The following FGF10 variants were observed in gnomAD, a reference collection of about 807,000 sequenced individuals.
FGF10 encodes FGF-10.
Under a neutral mutation model 19.8 loss-of-function variants are expected in FGF10, and 2 were observed. The ratio of observed to expected loss-of-function variants is 0.10; its 90% CI spans 0.04 to 0.32. FGF10 has a LOEUF of 0.32. Ranked by LOEUF, FGF10 falls within the 10% of genes least tolerant of loss-of-function variation. The pLI is 1.00. For missense variants in FGF10, 191 were observed against 246.3 expected, an observed-to-expected ratio of 0.78 and a Z score of 1.50; for synonymous variants, 112 against 94.0, an observed-to-expected ratio of 1.19 and a Z score of -1.10.
At chr5:44,365,120 A>G (rs1198833917) in intron 1 of FGF10, among the ~76,000 whole-genome samples, 1 of 151,808 alleles carries the variant, frequency 6.6e-6, no homozygotes, top group Non-Finnish European at 1.5e-5. Context: ...AAAGAGTGTG[A>G]TTTGTGGAGA....
chr5:44,319,428 G>T (rs1022662240), intron 1 of FGF10, among the ~76,000 whole-genome samples: 4 of 152,058 alleles, frequency 2.6e-5, no homozygotes, highest in South Asian at 4.1e-4. Flanking sequence ...AATAAAATGG[G>T]TCAGTAGAGC....
At chr5:44,366,428 C>A (rs1415976293) in intron 1 of FGF10, among the ~76,000 whole-genome samples, 1 of 151,824 alleles carries the variant, frequency 6.6e-6, no homozygotes, top group African/African-American at 2.4e-5. Context: ...TTCTTAGTTT[C>A]ATGTTTAATT....
intron 1 of FGF10, among the ~76,000 whole-genome samples, chr5:44,336,394 T>A (rs1441306860): frequency 6.6e-6 from 1 of 152,192 alleles, no homozygotes; most frequent in Non-Finnish European, 1.5e-5. Flanking sequence ...TTCATAATAT[T>A]CAGAGATAAT....
rs941930539 is a variant in FGF10, at chr5:44,303,260, T to TAA, written c.*1733_*1734dup. Among the ~76,000 whole-genome samples the TAA allele has an allele frequency of 6.6e-6, 1 of 152,096 alleles. No homozygotes were observed. The highest frequency in any genetic ancestry group is 2.4e-5 in the African/African-American group (1 of 41,432). Reference sequence around the variant, plus strand: ...TTCTTAATAAAGCAATTTTTAAAAATAACAGATTAACTGGAAGTGCTGGTT... The same window carrying TAA: ...TTCTTAATAAAGCAATTTTTAAAAATAAAACAGATTAACTGGAAGTGCTGGTT... On this transcript the variant is annotated 3_prime_UTR_variant, in exon 3 of 3. Coordinates refer to ENST00000264664, the MANE Select transcript of FGF10 (RefSeq NM_004465.2).
chr5:44,345,284 T>C (rs1741063005), intron 1 of FGF10, among the ~76,000 whole-genome samples: 3 of 151,448 alleles, frequency 2.0e-5, no homozygotes, highest in Admixed American at 6.6e-5. Flanking sequence ...GAAGATACCT[T>C]GAGGAAAAAA....
chr5:44,361,008 TG>T (rs1227255854), intron 1 of FGF10, among the ~76,000 whole-genome samples: 1 of 151,738 alleles, frequency 6.6e-6, no homozygotes, highest in East Asian at 1.9e-4. Flanking sequence ...ATGTCATCCT[TG>T]TTATCTCATT....
intron 1 of FGF10, among the ~76,000 whole-genome samples, chr5:44,370,349 T>C (rs544798241): frequency 6.6e-6 from 1 of 152,250 alleles, no homozygotes; most frequent in Admixed American, 6.5e-5. Flanking sequence ...AATGAACATA[T>C]GCATTTATTT....
intron 1 of FGF10, among the ~76,000 whole-genome samples, chr5:44,326,074 A>T (rs2111742993): frequency 6.6e-6 from 1 of 152,312 alleles, no homozygotes; most frequent in East Asian, 1.9e-4. Context: ...ACCAAAACAG[A>T]AATAAATAAA....
intron 1 of FGF10, among the ~76,000 whole-genome samples, chr5:44,318,462 CCACATCCCACTTTTGTCT>C (rs1275416747): frequency 6.6e-6 from 1 of 152,110 alleles, no homozygotes; most frequent in Non-Finnish European, 1.5e-5. Context: ...AGCATCATGG[CCACATCCCACTTTTGTCT>C]CTATTCTTAT....
chr5:44,301,288 T>A lies in FGF10; in HGVS notation c.*3707A>T, dbSNP rs6881989. Among the ~76,000 whole-genome samples the A allele has an allele frequency of 0.22, 32,956 of 152,034 alleles. 3,715 individuals are homozygous for A. The highest frequency in any genetic ancestry group is 0.32 in the Admixed American group (4,825 of 15,244). ...TATATAACTTTATTTAGACAAAGTT[T>A]GGACCAGCTGAACCCTTCAGTAATA... On this transcript the variant is annotated 3_prime_UTR_variant, in exon 3 of 3. Coordinates refer to ENST00000264664, the MANE Select transcript of FGF10 (RefSeq NM_004465.2).
intron 1 of FGF10, among the ~76,000 whole-genome samples, chr5:44,371,079 C>T (rs149212992): frequency 1.3e-5 from 2 of 151,972 alleles, no homozygotes; most frequent in African/African-American, 4.8e-5. Flanking sequence ...GAAATTTAAT[C>T]CCCAGTATGG....
At chr5:44,322,268 G>A (rs1001910058) in intron 1 of FGF10, among the ~76,000 whole-genome samples, 2 of 152,146 alleles carry the variant, frequency 1.3e-5, no homozygotes, top group Non-Finnish European at 2.9e-5. Context: ...GTCACTTCAG[G>A]GGAGAATGAG....
rs1739956292 is a variant in FGF10, at chr5:44,301,084, T to C, written c.*3911A>G. Among the ~76,000 whole-genome samples the C allele has an allele frequency of 6.6e-6, 1 of 152,134 alleles. No individual in the cohort carries two copies. Among genetic ancestry groups the C allele is most frequent in the Non-Finnish European group, 1.5e-5 (1 of 68,020 alleles). ...GTACTCATAGAACTCAGAGTTCCTT[T>C]TTCTCCTGAGCATCCTTCAAAGATA... On this transcript the variant is annotated 3_prime_UTR_variant, in exon 3 of 3. Coordinates refer to ENST00000264664, the MANE Select transcript of FGF10 (RefSeq NM_004465.2).
rs980821208 is a variant in FGF10, at chr5:44,304,353, C to T, written c.*642G>A. The T allele has an allele frequency of 6.6e-6, 1 of 152,476 alleles. No homozygotes were observed. The highest frequency in any genetic ancestry group is 1.5e-5 in the Non-Finnish European group (1 of 68,312). 9.4% of individuals were successfully genotyped at this position (152,476 alleles called of 1,614,324 possible). On this transcript the variant is annotated 3_prime_UTR_variant, in exon 3 of 3. Coordinates refer to ENST00000264664, the MANE Select transcript of FGF10 (RefSeq NM_004465.2). ...AAAACCCCAAAAGATATTTAACATCCTATTAAATAAATAACTTAGAAAGAA... is the reference window on the plus strand; with the variant it reads ...AAAACCCCAAAAGATATTTAACATCTTATTAAATAAATAACTTAGAAAGAA...
At chr5:44,354,406 C>T (rs949690978) in intron 1 of FGF10, among the ~76,000 whole-genome samples, 2 of 151,358 alleles carry the variant, frequency 1.3e-5, no homozygotes, top group Admixed American at 1.3e-4. Context: ...ATAGTTAATA[C>T]TCTGTTATAT....
chr5:44,308,393 T>C (rs771278802), intron 2 of FGF10, among the ~76,000 whole-genome samples: 22 of 152,320 alleles, frequency 1.4e-4, no homozygotes, highest in Non-Finnish European at 2.1e-4. Context: ...ATTATTTACA[T>C]TTTCTTCCTT....
chr5:44,310,668 G>A (rs1049994055), intron 1 of FGF10, 138 bp from the exon 2 acceptor site: 2 of 652,676 alleles, frequency 3.1e-6, no homozygotes, highest in African/African-American at 1.8e-5. Context: ...AAACAAACAA[G>A]CAAACAAGCA....
At chr5:44,326,286 T>G (rs537637836) in intron 1 of FGF10, among the ~76,000 whole-genome samples, 2 of 152,286 alleles carry the variant, frequency 1.3e-5, no homozygotes, top group East Asian at 3.9e-4. Flanking sequence ...AGTGTGCAGA[T>G]TTCAAACTCT....
intron 2 of FGF10, among the ~76,000 whole-genome samples, chr5:44,309,373 T>G (rs1740158764): frequency 6.6e-6 from 1 of 152,192 alleles, no homozygotes; most frequent in African/African-American, 2.4e-5. Context: ...ATCATTCAAA[T>G]GACAGCTAAG....
Sources: gnomAD v4.1 joint callset for allele counts (sites outside exome capture counted in the v4.1 genomes callset) on GRCh38, gnomAD v4.1.1 for gene constraint, MANE v1.5 for transcripts, NCBI Gene and HGNC (gene_info 2026-07-23, HGNC 2026-07-21) for gene names.